The following RALGAPA1 variants were observed in gnomAD, a reference collection of about 807,000 sequenced individuals.
RALGAPA1 encodes Ral GTPase activating protein catalytic subunit alpha 1.
In RALGAPA1, 52 loss-of-function variants were observed where a neutral mutation model predicts 269.6. The ratio of observed to expected loss-of-function variants is 0.19; its 90% CI spans 0.15 to 0.24. The LOEUF (loss-of-function observed/expected upper bound fraction) is 0.24, where lower values mean the gene tolerates loss of function less well. Among genes scored for constraint, RALGAPA1 ranks in the 10% least tolerant of loss-of-function variants. The pLI is 1.00. For synonymous variants in RALGAPA1, 817 were observed against 1,008.3 expected, an observed-to-expected ratio of 0.81 and a Z score of 3.60; for missense variants, 1,917 against 3,013.9, an observed-to-expected ratio of 0.64 and a Z score of 8.52.
intron 3 of RALGAPA1, among the ~76,000 whole-genome samples, chr14:35,772,168 G>A (rs1007055379): frequency 6.6e-5 from 10 of 152,058 alleles, no homozygotes; most frequent in South Asian, 2.1e-4. Flanking sequence ...TGATCCACTC[G>A]TCTCAGCCTC....
intron 31 of RALGAPA1, among the ~76,000 whole-genome samples, chr14:35,639,409 T>C (rs1337223956): frequency 1.3e-5 from 2 of 152,180 alleles, no homozygotes; most frequent in African/African-American, 4.8e-5. Flanking sequence ...GGACTTAATG[T>C]GCAGTATGGA....
Position 35,674,601 on chromosome 14 carries a change from A to C in RALGAPA1, c.4733T>G (p.Leu1578Trp), listed in dbSNP as rs2064785187. Reference protein sequence around the residue: ...TVMWRRMLGILGDVNSIMDPE... With the variant: ...TVMWRRMLGIWGDVNSIMDPE... Reference sequence around the variant, plus strand: ...ATCCATGATTGAATTTACATCTCCCAAAATGCCTAGCATTCTTCGCCACAT... The same window carrying C: ...ATCCATGATTGAATTTACATCTCCCCAAATGCCTAGCATTCTTCGCCACAT... Residue 1578 changes from leucine to tryptophan, a missense_variant, in exon 23 of 42, where the codon TTG becomes TGG. By Grantham distance (61) the Leu-to-Trp change is moderately conservative. This residue lies in a region of RALGAPA1 where 73 missense variants were observed against 190.6 expected (regional missense o/e 0.38). Coordinates refer to ENST00000680220, the MANE Select transcript of RALGAPA1 (RefSeq NM_001346249.2). The C allele has an allele frequency of 6.2e-7, 1 of 1,606,376 alleles. No homozygotes were observed. Among genetic ancestry groups the C allele is most frequent in the African/African-American group, 1.3e-5 (1 of 74,774 alleles).
At chr14:35,567,706 T>G (rs1243652693) in intron 39 of RALGAPA1, among the ~76,000 whole-genome samples, 1 of 152,130 alleles carries the variant, frequency 6.6e-6, no homozygotes, top group East Asian at 1.9e-4. Flanking sequence ...TTAAAACTAC[T>G]TGGTAAGGAG....
rs1194454868 is a variant in RALGAPA1, at chr14:35,750,630, T to C, written c.863A>G (p.Asn288Ser). The change falls in exon 9 of 42, where the codon AAT (asparagine) becomes AGT (serine). Residue 288 changes from asparagine (N) to serine (S), a missense_variant. Asn to Ser is a conservative substitution (Grantham distance 46, BLOSUM62 1). Around this residue, in one of 11 missense-constraint regions of RALGAPA1, gnomAD observed 462 missense variants for 725.6 expected, o/e 0.64. Transcript: ENST00000680220. Reference sequence around the variant, plus strand: ...CTCCTTTGTACAATAGATTGCTTCATTGGTTTCAGCATCTTTCTTTATCAC... The same window carrying C: ...CTCCTTTGTACAATAGATTGCTTCACTGGTTTCAGCATCTTTCTTTATCAC... ...YVVIKKDAET[N>S]EAIYCTKEPF... The C allele has an allele frequency of 6.8e-6, 11 of 1,613,390 alleles. No individual in the cohort carries two copies. Among genetic ancestry groups the C allele is most frequent in the South Asian group, 6.6e-5 (6 of 91,032 alleles).
At chr14:35,644,623 G>A (rs2062265520) in intron 31 of RALGAPA1, among the ~76,000 whole-genome samples, 1 of 152,190 alleles carries the variant, frequency 6.6e-6, no homozygotes, top group Admixed American at 6.5e-5. Context: ...GCACAAAGAA[G>A]TAAACATATC....
At chr14:35,702,159 T>A (rs1352614229) in intron 16 of RALGAPA1, among the ~76,000 whole-genome samples, 1 of 152,206 alleles carries the variant, frequency 6.6e-6, no homozygotes, top group African/African-American at 2.4e-5. Flanking sequence ...AGTGCAATAA[T>A]TTTTTACTTT....
intron 1 of RALGAPA1, among the ~76,000 whole-genome samples, chr14:35,785,724 C>T (rs893861472): frequency 1.1e-4 from 17 of 152,126 alleles, no homozygotes; most frequent in African/African-American, 3.6e-4. Context: ...AAGACAAGTC[C>T]ACTAATCACA....
chr14:35,555,610 C>T (rs893700055), intron 39 of RALGAPA1, among the ~76,000 whole-genome samples: 1 of 152,120 alleles, frequency 6.6e-6, no homozygotes, highest in Non-Finnish European at 1.5e-5. Flanking sequence ...CATCATTTAT[C>T]GAGAATATTT....
chr14:35,643,186 G>GT (rs1594940568), intron 31 of RALGAPA1, among the ~76,000 whole-genome samples: 1 of 151,690 alleles, frequency 6.6e-6, no homozygotes, highest in East Asian at 1.9e-4. Flanking sequence ...CTTTCGAGGG[G>GT]TGGGGGGAGG....
intron 35 of RALGAPA1, among the ~76,000 whole-genome samples, chr14:35,616,807 G>C (rs1023114567): frequency 6.6e-6 from 1 of 152,136 alleles, no homozygotes; most frequent in African/African-American, 2.4e-5. Context: ...CCTTCAGAAA[G>C]ACAGTTTCAG....
Position 35,689,525 on chromosome 14 carries a change from G to A in RALGAPA1, c.2886C>T (p.Asp962=). The A allele has an allele frequency of 8.1e-7, 1 of 1,240,384 alleles. No individual in the cohort carries two copies. Among genetic ancestry groups the A allele is most frequent in the Non-Finnish European group, 1.0e-6 (1 of 993,768 alleles). 76.8% of individuals were successfully genotyped at this position (1,240,384 alleles called of 1,614,324 possible). A position where few individuals can be genotyped will look rare whatever the true frequency, so the allele number is the denominator to read the frequency against. The change falls in exon 18 of 42, where the codon GAC becomes GAT. Residue 962 remains aspartate, a synonymous_variant. Coordinates refer to ENST00000680220, the MANE Select transcript of RALGAPA1 (RefSeq NM_001346249.2). ...CAATAGTCACTTCCTGAGAAGCTGG[G>A]TCTTTCCCTGTCTCATTTTTACTAT... ...ENHSKNETGK[D]PASQEVTIAV...
At chr14:35,593,592 C>T (rs1176324140) in intron 37 of RALGAPA1, among the ~76,000 whole-genome samples, 1 of 152,036 alleles carries the variant, frequency 6.6e-6, no homozygotes, top group African/African-American at 2.4e-5. Context: ...AGGCTGGGCA[C>T]AGTGGCTTAC....
At chr14:35,579,869 T>G (rs2057840078) in intron 37 of RALGAPA1, among the ~76,000 whole-genome samples, 1 of 152,146 alleles carries the variant, frequency 6.6e-6, no homozygotes, top group Non-Finnish European at 1.5e-5. Flanking sequence ...TAACTTCACT[T>G]TTACTAAAAT....
chr14:35,682,425 C>T (rs1186381202), intron 21 of RALGAPA1, among the ~76,000 whole-genome samples: 1 of 151,980 alleles, frequency 6.6e-6, no homozygotes. Flanking sequence ...CTCAGCCTCC[C>T]GAGTAGCTGG....
At chr14:35,596,640 T>G (rs189579878) in intron 36 of RALGAPA1, among the ~76,000 whole-genome samples, 2 of 152,252 alleles carry the variant, frequency 1.3e-5, no homozygotes, top group African/African-American at 4.8e-5. Flanking sequence ...TATATGATTG[T>G]TAGATTTTTG....
Position 35,688,914 on chromosome 14 carries a change from G to T in RALGAPA1, c.3497C>A (p.Pro1166His). Residue 1166 changes from proline (P) to histidine (H), a missense_variant, in exon 18 of 42, where the codon CCT (proline) becomes CAT (histidine). By Grantham distance (77) the Pro-to-His change is moderately conservative. Transcript: ENST00000680220. ...CCATGGAGCCTCTTTGTTTTCCAGA[G>T]GATTATAAAACTGAACGGACTCAGT... ...PSTESVQFYNPLENKEAPWKM... is the reference protein window; with the variant it reads ...PSTESVQFYNHLENKEAPWKM... 7.9e-7 allele frequency: 1 copy of T among 1,259,552 alleles called. No homozygotes were observed. Among genetic ancestry groups the T allele is most frequent in the Non-Finnish European group, 1.0e-6 (1 of 1,004,212 alleles). The allele number at this position is 1,259,552 out of a possible 1,614,324, so 78.0% of individuals were successfully genotyped here.
intron 36 of RALGAPA1, among the ~76,000 whole-genome samples, chr14:35,603,316 G>GT (rs2059404013): frequency 1.3e-5 from 2 of 152,124 alleles, no homozygotes; most frequent in South Asian, 2.1e-4. Context: ...TACTTAGGAT[G>GT]TTTTTTATAC....
chr14:35,680,974 G>A (rs184644381), intron 21 of RALGAPA1, among the ~76,000 whole-genome samples: 1,927 of 152,000 alleles, frequency 0.013, 19 homozygotes, highest in South Asian at 0.03. Flanking sequence ...CCTCTTGAAC[G>A]GTTTTTTTAA....
At position 35,772,219 on chromosome 14, in the gene RALGAPA1, A is replaced by T. The variant is rs537360941; in HGVS notation, c.268-1220T>A. ...AGTGTGTGCCACCATGCCCAGCTAA[A>T]TTTTTTTTACTATTTTTGTGGAGAT... is the stretch of plus-strand genomic sequence containing the variant. On this transcript the variant is annotated intron_variant, in intron 3 of 41. Coordinates refer to ENST00000680220, the MANE Select transcript of RALGAPA1 (RefSeq NM_001346249.2). Among the ~76,000 whole-genome samples, 11 of 151,912 alleles carry T rather than the reference A, an allele frequency of 7.2e-5. No homozygotes were observed. In the East Asian group the frequency reaches 1.9e-3, roughly 27 times the overall value.
Sources: allele counts gnomAD v4.1 joint callset (sites outside exome capture counted in the v4.1 genomes callset), GRCh38; gene constraint gnomAD v4.1.1; regional missense constraint gnomAD v4.1.1; transcripts MANE v1.5; gene names NCBI Gene and HGNC (gene_info 2026-07-23, HGNC 2026-07-21).